Variants in NUP58 observed in about 807,000 individuals in gnomAD.
NUP58 encodes the protein nucleoporin p58/p45.
Under a neutral mutation model 70.1 loss-of-function variants are expected in NUP58, and 17 were observed. The observed-to-expected ratio is 0.24, with a 90% CI of 0.17 to 0.36. NUP58 has a LOEUF of 0.36. NUP58 is among the 10% of genes least tolerant of loss of function. The pLI is 1.00. For synonymous variants in NUP58, 275 were observed against 257.6 expected (o/e 1.07, Z -0.65); for missense variants, 644 against 701.5 (o/e 0.92, Z 0.93).
At chr13:25,304,476 GATTATAT>G (rs1480922299) in intron 1 of NUP58, among the ~76,000 whole-genome samples, 2 of 81,566 alleles carry the variant, frequency 2.5e-5, no homozygotes, top group Non-Finnish European at 4.3e-5. Flanking sequence ...ATGTTGTCAA[GATTATAT>G]ATATATATAT....
At chr13:25,307,740 T>C in intron 1 of NUP58, 66 bp from the exon 2 acceptor site, 1 of 1,463,150 alleles carries the variant, frequency 6.8e-7, no homozygotes, top group Non-Finnish European at 9.4e-7. Context: ...CTTAAGTAAA[T>C]ATTGGCTCTA....
At position 25,341,214 on chromosome 13, in the gene NUP58, G is replaced by T; in HGVS notation, c.*1080G>T. 6.6e-6 allele frequency: 1 copy of T among 152,554 alleles called. No homozygotes were observed. The allele number at this position is 152,554 out of a possible 1,614,324, so 9.5% of individuals were successfully genotyped here. On this transcript the variant is annotated 3_prime_UTR_variant, in exon 16 of 16. Coordinates refer to ENST00000381736, the MANE Select transcript of NUP58 (RefSeq NM_014089.4). ...TCCAAATGAGGAATGCTGTAAGTAA[G>T]ACTCATCAAACAGATTTTAACCATT...
At chr13:25,321,445 T>C (rs2031180497) in intron 9 of NUP58, among the ~76,000 whole-genome samples, 1 of 152,226 alleles carries the variant, frequency 6.6e-6, no homozygotes, top group South Asian at 2.1e-4. Context: ...CCAGAGTTTA[T>C]GCTGTTAACT....
chr13:25,335,023 A>G (rs886466663), intron 13 of NUP58: 3 of 985,154 alleles, frequency 3.0e-6, no homozygotes, highest in South Asian at 4.7e-5. Context: ...TGAAACTAAT[A>G]TATATGGTGG....
intron 7 of NUP58, 120 bp downstream of exon 7, chr13:25,319,470 T>G (rs909680215): frequency 1.2e-6 from 1 of 806,206 alleles, no homozygotes; most frequent in East Asian, 2.5e-5. Context: ...AACTTTTTTG[T>G]AATGGTATTC....
At chr13:25,308,488 T>A (rs1345397596) in intron 2 of NUP58, among the ~76,000 whole-genome samples, 1 of 125,710 alleles carries the variant, frequency 8.0e-6, no homozygotes, top group Non-Finnish European at 1.7e-5. Context: ...TTTTTTTTTT[T>A]ACTTTTTTAC....
Position 25,319,361 on chromosome 13 carries a change from A to G in NUP58, c.710+11A>G. On this transcript the variant is annotated intron_variant, in intron 7 of 15. Coordinates refer to ENST00000381736, the MANE Select transcript of NUP58 (RefSeq NM_014089.4). ...GGGAACAAGACCAGAGTAAGTTTAC[A>G]AATTTACCCTTAAGGCATTTTAATT... The G allele has an allele frequency of 6.2e-7, 1 of 1,609,780 alleles. No homozygotes were observed. The highest frequency in any genetic ancestry group is 1.7e-4 in the Middle Eastern group (1 of 6,044).
rs139098300 is a variant in NUP58 at position 25,348,960 on chromosome 13, C to T, written n.322-602C>T. ...CACTTTCCCACACCAAGACCATTCC[C>T]GAACACTATGCTCTTTCACACCAGG... On this transcript the variant is annotated intron_variant and non_coding_transcript_variant, in intron 3 of 3. Coordinates refer to the NUP58 transcript ENST00000477876. Among the ~76,000 whole-genome samples, 126 of 152,298 alleles carry T rather than the reference C, an allele frequency of 8.3e-4. 1 individual carries two copies. Among genetic ancestry groups the T allele is most frequent in the African/African-American group, 2.9e-3 (120 of 41,556 alleles).
At chr13:25,345,815 C>T (rs967961155), downstream of NUP58, among the ~76,000 whole-genome samples, 4 of 152,058 alleles carry the variant, frequency 2.6e-5, no homozygotes, top group South Asian at 2.1e-4. Context: ...AATGAGAGGC[C>T]GCAACATACA....
rs748990021 is a variant in NUP58, at chr13:25,338,641, G to A, written c.1540G>A (p.Gly514Arg). 1.2e-6 allele frequency: 2 copies of A among 1,612,586 alleles called. No homozygotes were observed. Among genetic ancestry groups the A allele is most frequent in the Admixed American group, 3.3e-5 (2 of 59,978 alleles). Residue 514 changes from glycine to arginine, a missense_variant, in exon 15 of 16, where the codon GGA becomes AGA. This residue lies in a region of NUP58 where 132 missense variants were observed against 203.9 expected (regional missense o/e 0.65). Coordinates refer to ENST00000381736, the MANE Select transcript of NUP58 (RefSeq NM_014089.4). ...GLGSSNLGGFGTSSGFGCSTT... is the reference protein window; with the variant it reads ...GLGSSNLGGFRTSSGFGCSTT... ...TTCTATTACCCTTCCACTAGGATTT[G>A]GAACTAGCTCTGGTTTTGGATGCAG...
chr13:25,323,575 C>T (rs2031276656), intron 9 of NUP58, among the ~76,000 whole-genome samples: 1 of 152,112 alleles, frequency 6.6e-6, no homozygotes. Flanking sequence ...AAGTATCAAT[C>T]TTATTTAACC....
chr13:25,303,899 T>TA (rs2030160854), intron 1 of NUP58, among the ~76,000 whole-genome samples: 1 of 152,180 alleles, frequency 6.6e-6, no homozygotes, highest in African/African-American at 2.4e-5. Flanking sequence ...TAATAAGCTA[T>TA]AAAAAATTAC....
At chr13:25,325,141 C>A in intron 10 of NUP58, 73 bp downstream of exon 10, 2 of 1,073,762 alleles carry the variant, frequency 1.9e-6, no homozygotes, top group Non-Finnish European at 2.8e-6. Context: ...AGTATACAAA[C>A]TAAATATTTT....
rs746996358 is a variant in NUP58 at position 25,336,903 on chromosome 13, T to C, written c.1436-33T>C. 5.0e-6 allele frequency: 7 copies of C among 1,414,076 alleles called. No individual in the cohort carries two copies. The Admixed American group carries it at 6.9e-5, about 14-fold the overall frequency. The allele number at this position is 1,414,076 out of a possible 1,614,324, so 87.6% of individuals were successfully genotyped here. A position where few individuals can be genotyped will look rare whatever the true frequency, so the allele number is the denominator to read the frequency against. On this transcript the variant is annotated intron_variant, in intron 13 of 15. Transcript: ENST00000381736. ...AAAGAGTAAGGCAAATTTGTTTTTTTTCCCCCCCATTTTTTTTTTTTTTTT... is the reference window on the plus strand; with the variant it reads ...AAAGAGTAAGGCAAATTTGTTTTTTCTCCCCCCCATTTTTTTTTTTTTTTT...
chr13:25,336,024 A>G, intron 13 of NUP58: 1 of 1,171,846 alleles, frequency 8.5e-7, no homozygotes, highest in Non-Finnish European at 1.1e-6. Context: ...GTTTGATGCT[A>G]TTCTTGCCAA....
intron 6 of NUP58, among the ~76,000 whole-genome samples, 169 bp from the exon 7 acceptor site, chr13:25,319,157 G>T (rs563876544): frequency 1.3e-4 from 20 of 152,292 alleles, no homozygotes; most frequent in African/African-American, 4.8e-4. Flanking sequence ...AAAATGCTTT[G>T]CTTCTGAGTT....
intron 13 of NUP58, chr13:25,334,089 TAC>T (rs774662976): frequency 1.0e-6 from 1 of 985,362 alleles, no homozygotes; most frequent in Non-Finnish European, 1.2e-6. Context: ...ATGTGTGATT[TAC>T]AGTTATTTGT....
chr13:25,329,317 A>G (rs533325791), intron 12 of NUP58, among the ~76,000 whole-genome samples: 2 of 152,126 alleles, frequency 1.3e-5, no homozygotes, highest in African/African-American at 2.4e-5. Flanking sequence ...TCCACAGAAG[A>G]TGCTTTTTTT....
chr13:25,302,466 C>T (rs1037592176), intron 1 of NUP58, among the ~76,000 whole-genome samples: 5 of 152,134 alleles, frequency 3.3e-5, no homozygotes, highest in African/African-American at 1.2e-4. Flanking sequence ...ATTAGTATAT[C>T]TGATGCGAGA....
Sources: gnomAD v4.1 joint callset for allele counts (sites outside exome capture counted in the v4.1 genomes callset) on GRCh38, gnomAD v4.1.1 for gene constraint, gnomAD v4.1.1 regional missense constraint, MANE v1.5 for transcripts, NCBI Gene and HGNC (gene_info 2026-07-23, HGNC 2026-07-21) for gene names.